SLC30A6: variants seen among roughly 807,000 people sequenced by gnomAD.
SLC30A6 encodes the protein solute carrier family 30 member 6.
Under a neutral mutation model 63.0 loss-of-function variants are expected in SLC30A6, and 55 were observed. That is an observed-to-expected ratio of 0.87 (90% CI 0.70 to 1.09). The LOEUF (loss-of-function observed/expected upper bound fraction) is 1.09, where lower values mean the gene tolerates loss of function less well. Among genes scored for constraint, SLC30A6 ranks in the 50% least tolerant of loss-of-function variants. The probability of loss-of-function intolerance (pLI) is 0.00; values close to 1 mark genes in which losing one functional copy is unlikely to be tolerated. For synonymous variants in SLC30A6, 224 were observed against 186.1 expected, an observed-to-expected ratio of 1.20 and a Z score of -1.66; for missense variants, 587 against 549.2, an observed-to-expected ratio of 1.07 and a Z score of -0.69.
At position 32,171,180 on chromosome 2, in the gene SLC30A6, T is replaced by C; in HGVS notation, c.4-107T>C. ...TAAGTGCTTGATGTATATTGAGTACTTAATAAATATTGGTTATTTATATCA... is the reference window on the plus strand; with the variant it reads ...TAAGTGCTTGATGTATATTGAGTACCTAATAAATATTGGTTATTTATATCA... On this transcript the variant is annotated intron_variant, in intron 1 of 13. Coordinates refer to ENST00000282587, the MANE Select transcript of SLC30A6 (RefSeq NM_017964.5). 4 of 808,482 alleles carry C rather than the reference T, an allele frequency of 4.9e-6. No homozygotes were observed. In the East Asian group the frequency reaches 1.1e-4, roughly 22 times the overall value. The allele number at this position is 808,482 out of a possible 1,614,324, so 50.1% of individuals were successfully genotyped here.
At chr2:32,193,592 C>T (rs1228883259) in intron 7 of SLC30A6, among the ~76,000 whole-genome samples, 1 of 152,100 alleles carries the variant, frequency 6.6e-6, no homozygotes, top group African/African-American at 2.4e-5. Context: ...TCTGACTTGT[C>T]CAGTATATCG....
At chr2:32,219,694 C>T (rs1686004530) in intron 13 of SLC30A6, among the ~76,000 whole-genome samples, 1 of 152,186 alleles carries the variant, frequency 6.6e-6, no homozygotes, top group African/African-American at 2.4e-5. Flanking sequence ...CCTCGGCCTC[C>T]CAAAGTGCTG....
chr2:32,202,038 A>C, intron 10 of SLC30A6: 4 of 1,041,718 alleles, frequency 3.8e-6, no homozygotes, highest in Non-Finnish European at 5.6e-6. Flanking sequence ...AAAAAAAGCA[A>C]GTATCATCCT....
chr2:32,219,497 C>T lies in SLC30A6; in HGVS notation c.886-716C>T, dbSNP rs541356004. ...TCACTCAGGCTGGAGTGCAGTGGTG[C>T]GATCTTGGCTCACTGCAACCTCCGC... On this transcript the variant is annotated intron_variant, in intron 13 of 13. Transcript: ENST00000282587. Among the ~76,000 whole-genome samples the T allele has an allele frequency of 7.4e-5, 11 of 149,330 alleles. 1 individual carries two copies. The East Asian group carries it at 1.4e-3, about 19-fold the overall frequency.
chr2:32,171,229 A>G (rs1183388346), intron 1 of SLC30A6, 58 bp from the exon 2 acceptor site: 4 of 1,402,092 alleles, frequency 2.9e-6, no homozygotes, highest in Non-Finnish European at 4.0e-6. Context: ...ATCATATCAT[A>G]GGAACTCTGA....
chr2:32,169,175 G>GTATT (rs940915970), intron 1 of SLC30A6, among the ~76,000 whole-genome samples: 3 of 151,666 alleles, frequency 2.0e-5, no homozygotes, highest in African/African-American at 7.3e-5. Flanking sequence ...ATTTATTTAT[G>GTATT]TATTTATTTA....
At chr2:32,175,895 C>A (rs1432386388) in intron 4 of SLC30A6, among the ~76,000 whole-genome samples, 3 of 152,108 alleles carry the variant, frequency 2.0e-5, no homozygotes, top group African/African-American at 7.2e-5. Flanking sequence ...CTTGCTTGGA[C>A]CCAGGAGGCG....
chr2:32,203,551 T>C (rs1298641820), intron 10 of SLC30A6: 4 of 1,604,092 alleles, frequency 2.5e-6, no homozygotes, highest in African/African-American at 2.7e-5. Flanking sequence ...TCACCTCTGA[T>C]AGGGATTTGT....
chr2:32,202,300 T>G (rs1172346822), intron 10 of SLC30A6: 1 of 468,110 alleles, frequency 2.1e-6, no homozygotes, highest in East Asian at 5.2e-5. Flanking sequence ...TCCCTTTGAT[T>G]GAAAGACTCC....
At chr2:32,174,594 G>T (rs1681554942) in intron 3 of SLC30A6, among the ~76,000 whole-genome samples, 1 of 106,016 alleles carries the variant, frequency 9.4e-6, no homozygotes, top group Admixed American at 1.5e-4. Context: ...TCACTCTGTT[G>T]CCAGGCTGTA....
chr2:32,209,990 T>C (rs1685112908), intron 13 of SLC30A6, among the ~76,000 whole-genome samples: 1 of 152,228 alleles, frequency 6.6e-6, no homozygotes. Flanking sequence ...TTGGAGAGTT[T>C]GCTGAATATT....
chr2:32,180,593 C>T (rs962124150), intron 4 of SLC30A6, among the ~76,000 whole-genome samples: 7 of 152,026 alleles, frequency 4.6e-5, no homozygotes, highest in Admixed American at 6.6e-5. Context: ...CCACCATGCC[C>T]GGCTAATTTT....
intron 13 of SLC30A6, among the ~76,000 whole-genome samples, chr2:32,213,302 CTT>C (rs5830222): frequency 0.029 from 3,322 of 113,730 alleles, 102 homozygotes; most frequent in African/African-American, 0.095. Context: ...TGATATGGAG[CTT>C]TTTTTTTTTT....
At chr2:32,209,291 A>G (rs1685051211) in intron 12 of SLC30A6, among the ~76,000 whole-genome samples, 1 of 152,214 alleles carries the variant, frequency 6.6e-6, no homozygotes, top group Non-Finnish European at 1.5e-5. Context: ...CAAGCAAGAA[A>G]CGAGGAAAGC....
chr2:32,185,887 GT>G lies in SLC30A6; in HGVS notation c.284+1564del, dbSNP rs1016415372. 1.3e-3 allele frequency among the ~76,000 whole-genome samples: 172 copies of G among 136,622 alleles called. 1 individual carries two copies. The highest frequency in any genetic ancestry group is 4.0e-3 in the South Asian group (17 of 4,202). 89.6% of individuals were successfully genotyped at this position (136,622 alleles called of 152,430 possible). A position where few individuals can be genotyped will look rare whatever the true frequency, so the allele number is the denominator to read the frequency against. On this transcript the variant is annotated intron_variant, in intron 5 of 13. Transcript: ENST00000282587. ...GGTGTGTGCCACCACGCCTGGCTCA[GT>G]TTTTTTTTTTTTTTGTATTTTTAGT...
intron 10 of SLC30A6, among the ~76,000 whole-genome samples, chr2:32,199,608 T>A (rs1684089669): frequency 6.6e-6 from 1 of 152,216 alleles, no homozygotes. Context: ...TATTGTTGAC[T>A]GTAGTAACCC....
At position 32,192,425 on chromosome 2, in the gene SLC30A6, G is replaced by A. The variant is rs1300647963; in HGVS notation, c.365+9G>A. On this transcript the variant is annotated intron_variant, in intron 6 of 13. Transcript: ENST00000282587. ...TTTATATTAAAAGAAAGGTACATTT[G>A]TATAGGATATTATTCTAAATCCCCC... is the stretch of plus-strand genomic sequence containing the variant. 6.2e-7 allele frequency: 1 copy of A among 1,609,222 alleles called. No individual in the cohort carries two copies.
intron 1 of SLC30A6, among the ~76,000 whole-genome samples, chr2:32,170,501 CTA>C (rs1681102677): frequency 6.6e-6 from 1 of 152,176 alleles, no homozygotes; most frequent in Non-Finnish European, 1.5e-5. Context: ...CCCAAACTAA[CTA>C]TACACTAGCA....
intron 8 of SLC30A6, among the ~76,000 whole-genome samples, chr2:32,195,188 C>G (rs921201128): frequency 6.6e-6 from 1 of 151,254 alleles, no homozygotes; most frequent in Non-Finnish European, 1.5e-5. Context: ...CAACCTCTGC[C>G]TCCTTGGTTC....
Sources: gnomAD v4.1 joint callset for allele counts (sites outside exome capture counted in the v4.1 genomes callset) on GRCh38, gnomAD v4.1.1 for gene constraint, MANE v1.5 for transcripts, NCBI Gene and HGNC (gene_info 2026-07-23, HGNC 2026-07-21) for gene names.